METAP1D: variants seen among roughly 807,000 people sequenced by gnomAD.
METAP1D encodes the protein methionine aminopeptidase 1D, mitochondrial.
A neutral mutation model predicts 40.5 loss-of-function variants in METAP1D; 31 were observed. That is an observed-to-expected ratio of 0.77 (90% CI 0.58 to 1.03). The LOEUF is 1.03. Ranked by LOEUF, METAP1D falls within the 50% of genes least tolerant of loss-of-function variation. The pLI is 0.00. For synonymous variants in METAP1D, 151 were observed against 146.4 expected, an observed-to-expected ratio of 1.03 and a Z score of -0.22; for missense variants, 411 against 420.7, an observed-to-expected ratio of 0.98 and a Z score of 0.20.
chr2:172,079,280 T>C lies in METAP1D; in HGVS notation c.850+18T>C. The C allele has an allele frequency of 6.2e-7, 1 of 1,613,730 alleles. No individual in the cohort carries two copies. The highest frequency in any genetic ancestry group is 1.7e-5 in the Admixed American group (1 of 60,028). On this transcript the variant is annotated intron_variant, in intron 8 of 9. Transcript: ENST00000315796. ...CACTATAGGTAAATTGAGCTCCTCT[T>C]CCGAGTGAGTGCGTAGCTCCTGGTG...
Position 172,037,294 on chromosome 2 carries a change from G to GGTGTGT in METAP1D, c.41-24186_41-24181dup, listed in dbSNP as rs4027462. Among the ~76,000 whole-genome samples, 840 of 149,192 alleles carry GGTGTGT rather than the reference G, an allele frequency of 5.6e-3. 8 individuals are homozygous for GGTGTGT. The highest frequency in any genetic ancestry group is 0.02 in the African/African-American group (799 of 40,696). On this transcript the variant is annotated intron_variant, in intron 1 of 9. Coordinates refer to ENST00000315796, the MANE Select transcript of METAP1D (RefSeq NM_199227.3). The stretch of plus-strand genomic sequence containing the variant: ...AAAAAAAAGTCTAGGTTTTACTTGG[G>GGTGTGT]GTGTGTGTGTGTGTGTGTGTGTGAA...
chr2:172,027,583 C>T (rs1689146181), intron 1 of METAP1D, among the ~76,000 whole-genome samples: 2 of 152,200 alleles, frequency 1.3e-5, no homozygotes, highest in Admixed American at 1.3e-4. Flanking sequence ...TTAAGTGATG[C>T]ATGACTGTAT....
At chr2:172,001,138 T>C (rs1226871860) in intron 1 of METAP1D, among the ~76,000 whole-genome samples, 1 of 152,106 alleles carries the variant, frequency 6.6e-6, no homozygotes, top group African/African-American at 2.4e-5. Context: ...TGAACATGAC[T>C]CTAATTTTTT....
rs372939571 is a variant in METAP1D, at chr2:172,054,570, A to C, written c.41-6928A>C. Among the ~76,000 whole-genome samples the C allele has an allele frequency of 4.3e-4, 64 of 149,028 alleles. 2 individuals carry two copies. Among genetic ancestry groups the C allele is most frequent in the African/African-American group, 1.5e-3 (62 of 41,196 alleles). ...TAAAATGCATTCCTCCCTCCATCAT[A>C]CTTGAATTCTATAATCCTACCTTCA... On this transcript the variant is annotated intron_variant, in intron 1 of 9. Coordinates refer to ENST00000315796, the MANE Select transcript of METAP1D (RefSeq NM_199227.3).
At chr2:172,048,159 C>T (rs1282946024) in intron 1 of METAP1D, among the ~76,000 whole-genome samples, 2 of 152,174 alleles carry the variant, frequency 1.3e-5, no homozygotes, top group Non-Finnish European at 2.9e-5. Flanking sequence ...AGGAGAGGCC[C>T]AGTGCTTTGG....
chr2:172,005,042 C>T (rs1385344149), intron 1 of METAP1D, among the ~76,000 whole-genome samples: 1 of 151,964 alleles, frequency 6.6e-6, no homozygotes, highest in Non-Finnish European at 1.5e-5. Context: ...CCCACCTCAA[C>T]CTCCTGAGTG....
Position 172,082,403 on chromosome 2 carries a change from T to TTG in METAP1D, c.*1998_*1999insGT, listed in dbSNP as rs1195019026. The TTG allele has an allele frequency of 1.3e-5, 2 of 152,286 alleles. No homozygotes were observed. Among genetic ancestry groups the TTG allele is most frequent in the African/African-American group, 4.8e-5 (2 of 41,464 alleles). The allele number at this position is 152,286 out of a possible 1,614,324, so 9.4% of individuals were successfully genotyped here. A position where few individuals can be genotyped will look rare whatever the true frequency, so the allele number is the denominator to read the frequency against. On this transcript the variant is annotated 3_prime_UTR_variant, in exon 10 of 10. Transcript: ENST00000315796. ...AGGTATTTATGGGACAAGTTTATAA[T>TTG]TCCATTTATTAAAGGGACTAACCTA...
chr2:172,018,734 C>G (rs570844599), intron 1 of METAP1D, among the ~76,000 whole-genome samples: 2 of 152,076 alleles, frequency 1.3e-5, no homozygotes, highest in Admixed American at 6.6e-5. Flanking sequence ...AGGACACCCC[C>G]CATCCCCCCC....
At chr2:172,045,791 G>GTA (rs1328307477) in intron 1 of METAP1D, among the ~76,000 whole-genome samples, 1 of 47,348 alleles carries the variant, frequency 2.1e-5, no homozygotes, top group African/African-American at 7.4e-5. Context: ...GTATGTATAT[G>GTA]TATATATGTG....
chr2:172,018,680 G>A (rs1688936102), intron 1 of METAP1D, among the ~76,000 whole-genome samples: 1 of 152,140 alleles, frequency 6.6e-6, no homozygotes, highest in African/African-American at 2.4e-5. Context: ...GTACTATGAT[G>A]AGTGATGAGG....
chr2:172,044,404 C>CAAAAAAA (rs782088377), intron 1 of METAP1D, among the ~76,000 whole-genome samples: 1 of 69,210 alleles, frequency 1.4e-5, no homozygotes, highest in Non-Finnish European at 3.3e-5. Context: ...CTTAAAAATA[C>CAAAAAAA]AAAAAAAAAA....
chr2:172,053,684 A>G (rs1166875895), intron 1 of METAP1D, among the ~76,000 whole-genome samples: 1 of 152,250 alleles, frequency 6.6e-6, no homozygotes, highest in Non-Finnish European at 1.5e-5. Context: ...GAAAAAATAT[A>G]TTCAGTAAGA....
rs1690141908 is a variant in METAP1D, at chr2:172,061,531, A to AT, written c.75dup (p.Ile26TyrfsTer41). 1 of 1,613,224 alleles carries AT rather than the reference A, an allele frequency of 6.2e-7. No homozygotes were observed. Among genetic ancestry groups the AT allele is most frequent in the Admixed American group, 1.7e-5 (1 of 59,830 alleles). On this transcript the variant is annotated frameshift_variant, in exon 2 of 10. Transcript: ENST00000315796. LOFTEE classifies it high-confidence loss of function. The stretch of plus-strand genomic sequence containing the variant: ...AGAATTTTCTCTTCACCACTCAATC[A>AT]TATCTACTTACACAAGCAGTCAAGC...
chr2:172,017,930 CA>C (rs1213729178), intron 1 of METAP1D, among the ~76,000 whole-genome samples: 5 of 151,692 alleles, frequency 3.3e-5, no homozygotes, highest in African/African-American at 1.2e-4. Context: ...AGTTTGAGAC[CA>C]ACCTGACCAA....
chr2:172,028,716 T>C (rs1044301414), intron 1 of METAP1D, among the ~76,000 whole-genome samples: 1 of 152,168 alleles, frequency 6.6e-6, no homozygotes, highest in African/African-American at 2.4e-5. Context: ...ACGAACTATA[T>C]AACAAATTTA....
intron 3 of METAP1D, 52 bp downstream of exon 3, chr2:172,063,912 C>G: frequency 6.7e-7 from 1 of 1,489,164 alleles, no homozygotes; most frequent in Non-Finnish European, 8.9e-7. Flanking sequence ...AACAAACACT[C>G]CTCTTTTTTT....
At chr2:172,028,540 GTC>G (rs1295271777) in intron 1 of METAP1D, among the ~76,000 whole-genome samples, 4 of 113,134 alleles carry the variant, frequency 3.5e-5, no homozygotes, top group Admixed American at 9.9e-5. Flanking sequence ...CTGTATGTGT[GTC>G]TGTGTGTGTG....
In METAP1D at chr2:172,043,012, T is replaced by TGTACACATATATGTGTAC. The variant is rs1689645732; in HGVS notation, c.41-18484_41-18483insACACATATATGTGTACGT. 2.0e-4 allele frequency among the ~76,000 whole-genome samples: 18 copies of TGTACACATATATGTGTAC among 89,748 alleles called. 3 individuals are homozygous for TGTACACATATATGTGTAC. Among genetic ancestry groups the TGTACACATATATGTGTAC allele is most frequent in the South Asian group, 1.2e-3 (3 of 2,596 alleles). 58.9% of individuals were successfully genotyped at this position (89,748 alleles called of 152,430 possible). A position where few individuals can be genotyped will look rare whatever the true frequency, so the allele number is the denominator to read the frequency against. ...GTGCGTGTGTACACATATATGTGTA[T>TGTACACATATATGTGTAC]GTGTACACATATATGTGTATATGTG... On this transcript the variant is annotated intron_variant, in intron 1 of 9. Coordinates refer to ENST00000315796, the MANE Select transcript of METAP1D (RefSeq NM_199227.3).
At chr2:172,066,446 T>G in intron 5 of METAP1D, 140 bp downstream of exon 5, 2 of 663,556 alleles carry the variant, frequency 3.0e-6, no homozygotes, top group Non-Finnish European at 5.0e-6. Context: ...CTGGTTTCCT[T>G]TTTTGTCTTT....
Sources: gnomAD v4.1 joint callset for allele counts (sites outside exome capture counted in the v4.1 genomes callset) on GRCh38, gnomAD v4.1.1 for gene constraint, MANE v1.5 for transcripts, NCBI Gene and HGNC (gene_info 2026-07-23, HGNC 2026-07-21) for gene names.